The following DGKI variants were observed in gnomAD, a reference collection of about 807,000 sequenced individuals.
DGKI encodes the protein diacylglycerol kinase iota.
In DGKI, 55 loss-of-function variants were observed where a neutral mutation model predicts 147.5. That is an observed-to-expected ratio of 0.37 (90% confidence interval 0.30 to 0.47). The LOEUF (loss-of-function observed/expected upper bound fraction) is 0.47. Ranked by LOEUF, DGKI falls within the 20% of genes least tolerant of loss-of-function variation. DGKI has a pLI of 1.00. For synonymous variants in DGKI, 469 were observed against 477.1 expected (o/e 0.98, Z 0.22); for missense variants, 1,007 against 1,323.8 (o/e 0.76, Z 3.71).
chr7:137,810,880 C>A (rs539409648), intron 1 of DGKI, among the ~76,000 whole-genome samples: 1 of 152,224 alleles, frequency 6.6e-6, no homozygotes, highest in South Asian at 2.1e-4. Flanking sequence ...GGAAGTACAC[C>A]TACCATGCGC....
chr7:137,645,433 G>A (rs1307103687), intron 6 of DGKI, 39 bp downstream of exon 6: 12 of 1,589,822 alleles, frequency 7.5e-6, no homozygotes, highest in Non-Finnish European at 1.0e-5. Context: ...AGAGGCCTGG[G>A]GAGCCTCCTG....
rs540361256 is a variant in DGKI at position 137,793,977 on chromosome 7, A to G, written c.401+52485T>C. Reference sequence around the variant, plus strand: ...AGCCATATGCTAATAAATTTGCATCAATTCCCATAATTCTTATATAAACCC... The same window carrying G: ...AGCCATATGCTAATAAATTTGCATCGATTCCCATAATTCTTATATAAACCC... On this transcript the variant is annotated intron_variant, in intron 1 of 32. Transcript: ENST00000614521. 1.2e-4 allele frequency among the ~76,000 whole-genome samples: 18 copies of G among 152,328 alleles called. 1 individual carries two copies. In the South Asian group the frequency reaches 3.1e-3, roughly 26 times the overall value.
intron 12 of DGKI, among the ~76,000 whole-genome samples, chr7:137,587,896 C>A (rs951685477): frequency 6.6e-6 from 1 of 152,180 alleles, no homozygotes; most frequent in Non-Finnish European, 1.5e-5. Flanking sequence ...ATACTAGAAT[C>A]ATATCCCTGT....
chr7:137,779,656 C>A (rs1456620138), intron 1 of DGKI, among the ~76,000 whole-genome samples: 1 of 151,994 alleles, frequency 6.6e-6, no homozygotes, highest in African/African-American at 2.4e-5. Context: ...AAAACTTGAA[C>A]AGACGTTTGA....
At chr7:137,525,217 C>T (rs144330114) in intron 20 of DGKI, among the ~76,000 whole-genome samples, 2 of 152,248 alleles carry the variant, frequency 1.3e-5, no homozygotes, top group African/African-American at 2.4e-5. Flanking sequence ...CTCTAACCAC[C>T]GCTTAACACT....
intron 14 of DGKI, among the ~76,000 whole-genome samples, chr7:137,582,700 C>T (rs1457410692): frequency 1.3e-5 from 2 of 152,026 alleles, no homozygotes; most frequent in Non-Finnish European, 2.9e-5. Context: ...GCTGTTACCA[C>T]TGCAAGCTGA....
intron 21 of DGKI, among the ~76,000 whole-genome samples, chr7:137,498,759 T>C (rs1816062253): frequency 6.6e-6 from 1 of 152,144 alleles, no homozygotes; most frequent in African/African-American, 2.4e-5. Context: ...GAATTTGCAA[T>C]ACGAATGAGT....
intron 1 of DGKI, among the ~76,000 whole-genome samples, chr7:137,803,382 G>A (rs1263259315): frequency 1.3e-5 from 2 of 152,170 alleles, no homozygotes; most frequent in Non-Finnish European, 2.9e-5. Flanking sequence ...AGAAAGTAAT[G>A]TGACTGGAAC....
chr7:137,487,804 A>G, intron 21 of DGKI, 115 bp from the exon 22 acceptor site: 1 of 889,072 alleles, frequency 1.1e-6, no homozygotes, highest in Non-Finnish European at 1.8e-6. Context: ...GGTTTTTTAG[A>G]TATGTCCGTA....
intron 28 of DGKI, among the ~76,000 whole-genome samples, chr7:137,426,886 C>T (rs1812832171): frequency 6.6e-6 from 1 of 151,892 alleles, no homozygotes; most frequent in Non-Finnish European, 1.5e-5. Flanking sequence ...ACAGGAGCAC[C>T]CAGATTCATA....
At chr7:137,769,162 C>T (rs1318075280) in intron 1 of DGKI, among the ~76,000 whole-genome samples, 2 of 152,182 alleles carry the variant, frequency 1.3e-5, no homozygotes, top group African/African-American at 4.8e-5. Context: ...TTCTGCGACA[C>T]CCAAGGGAGA....
intron 6 of DGKI, among the ~76,000 whole-genome samples, chr7:137,628,079 C>A (rs1821004655): frequency 6.6e-6 from 1 of 152,168 alleles, no homozygotes; most frequent in Non-Finnish European, 1.5e-5. Context: ...ATCTCTTCCA[C>A]CATCTCGCCG....
At chr7:137,704,661 TC>T (rs1234455051) in intron 1 of DGKI, among the ~76,000 whole-genome samples, 1 of 152,102 alleles carries the variant, frequency 6.6e-6, no homozygotes, top group African/African-American at 2.4e-5. Context: ...ATCTATACAT[TC>T]AACAGGCTCA....
chr7:137,406,550 C>A (rs890900824), intron 30 of DGKI, among the ~76,000 whole-genome samples: 1 of 152,116 alleles, frequency 6.6e-6, no homozygotes, highest in African/African-American at 2.4e-5. Context: ...CAAGCAGAAT[C>A]TTCACAGTGA....
intron 2 of DGKI, among the ~76,000 whole-genome samples, chr7:137,686,302 T>A (rs1006367047): frequency 6.6e-6 from 1 of 152,156 alleles, no homozygotes; most frequent in Non-Finnish European, 1.5e-5. Context: ...GAAATAATTT[T>A]CATACTGGGT....
At chr7:137,426,599 A>T (rs1812816920) in intron 28 of DGKI, among the ~76,000 whole-genome samples, 1 of 152,156 alleles carries the variant, frequency 6.6e-6, no homozygotes, top group Non-Finnish European at 1.5e-5. Flanking sequence ...AAAGACACAG[A>T]CTGGCAAACT....
intron 2 of DGKI, among the ~76,000 whole-genome samples, chr7:137,688,261 G>A (rs1823490750): frequency 6.6e-6 from 1 of 152,100 alleles, no homozygotes; most frequent in African/African-American, 2.4e-5. Flanking sequence ...AGAATCCCAA[G>A]TAACCAATAT....
intron 1 of DGKI, among the ~76,000 whole-genome samples, chr7:137,794,171 T>A (rs1796954003): frequency 6.6e-6 from 1 of 152,210 alleles, no homozygotes; most frequent in Non-Finnish European, 1.5e-5. Context: ...CCCACCTCTG[T>A]AGGTTGGCCC....
intron 3 of DGKI, among the ~76,000 whole-genome samples, chr7:137,673,010 G>A (rs1297263743): frequency 2.6e-5 from 4 of 151,846 alleles, no homozygotes; most frequent in Non-Finnish European, 5.9e-5. Flanking sequence ...TTGAACTCCC[G>A]ACCTCAGGTG....
Sources: gnomAD v4.1 joint callset for allele counts (sites outside exome capture counted in the v4.1 genomes callset) on GRCh38, gnomAD v4.1.1 for gene constraint, MANE v1.5 for transcripts, NCBI Gene and HGNC (gene_info 2026-07-23, HGNC 2026-07-21) for gene names.